The following DAB2IP variants were observed in gnomAD, a reference collection of about 807,000 sequenced individuals.
DAB2IP encodes the protein DAB2 interacting protein.
Under a neutral mutation model 107.2 loss-of-function variants are expected in DAB2IP, and 28 were observed. The observed-to-expected ratio is 0.26, with a 90% confidence interval of 0.19 to 0.36. DAB2IP has a LOEUF of 0.36. Among genes scored for constraint, DAB2IP ranks in the 10% least tolerant of loss-of-function variants. DAB2IP has a pLI of 1.00. For missense variants in DAB2IP, 1,400 were observed against 1,644.7 expected, an observed-to-expected ratio of 0.85 and a Z score of 2.57; for synonymous variants, 755 against 706.4, an observed-to-expected ratio of 1.07 and a Z score of -1.09.
In DAB2IP at chr9:121,692,897, G is replaced by A. The variant is rs138549937; in HGVS notation, c.229-6428G>A. 7.8e-3 allele frequency among the ~76,000 whole-genome samples: 1,182 copies of A among 152,328 alleles called. 17 individuals are homozygous for A. The highest frequency in any genetic ancestry group is 0.027 in the African/African-American group (1,119 of 41,570). The stretch of plus-strand genomic sequence containing the variant: ...GGAAGGGGAGGGCAGGAGGAATGAC[G>A]CATCTGAAGGATTTGGGCAAAGCCA... On this transcript the variant is annotated intron_variant, in intron 2 of 15. Coordinates refer to ENST00000408936, the Ensembl canonical transcript of DAB2IP.
Position 121,701,553 on chromosome 9 carries a change from G to T in DAB2IP, c.362+2095G>T, listed in dbSNP as rs186192952. Among the ~76,000 whole-genome samples, 2 of 152,196 alleles carry T rather than the reference G, an allele frequency of 1.3e-5. No individual in the cohort carries two copies. The highest frequency in any genetic ancestry group is 4.8e-5 in the African/African-American group (2 of 41,440). On this transcript the variant is annotated intron_variant, in intron 3 of 15. Transcript: ENST00000408936. This position sits in a 1 kb window ranked among gnomAD's most constrained non-coding sequence, Gnocchi z 4.7. ...AGGAAGGGAGCCTAGATTTCCCATG[G>T]ACAGGCAGAAAGACTGGGTTTGAAA...
At chr9:121,686,316 T>C (rs903555470) in intron 2 of DAB2IP, among the ~76,000 whole-genome samples, 1 of 152,146 alleles carries the variant, frequency 6.6e-6, no homozygotes, top group Non-Finnish European at 1.5e-5. Context: ...GTGAGGAGGA[T>C]GGAAGTGAAG....
Position 121,715,180 on chromosome 9 carries a change from G to A in DAB2IP, c.362+15722G>A, listed in dbSNP as rs2185819. On this transcript the variant is annotated intron_variant, in intron 3 of 15. Transcript: ENST00000408936. ...TAGGGTTAAGGACCTTGCTCCTGCAGGGCAGGGGGCTTCATGGTGGTTGCC... is the reference window on the plus strand; with the variant it reads ...TAGGGTTAAGGACCTTGCTCCTGCAAGGCAGGGGGCTTCATGGTGGTTGCC... Among the ~76,000 whole-genome samples the A allele has an allele frequency of 1.9e-3, 285 of 152,290 alleles. 5 individuals carry two copies. The highest frequency in any genetic ancestry group is 0.014 in the Admixed American group (216 of 15,310).
intron 1 of DAB2IP, among the ~76,000 whole-genome samples, chr9:121,664,946 A>C (rs1356385008): frequency 6.6e-6 from 1 of 152,212 alleles, no homozygotes; most frequent in East Asian, 1.9e-4. Flanking sequence ...ATACAGTCTG[A>C]GTCAACTGTT....
chr9:121,721,400 G>A (rs1327781232), intron 3 of DAB2IP, among the ~76,000 whole-genome samples: 2 of 152,230 alleles, frequency 1.3e-5, no homozygotes, highest in Non-Finnish European at 2.9e-5. Flanking sequence ...CAAACAATAA[G>A]CAAGTCCCTG....
exon 8 of DAB2IP, chr9:121,763,772 C>T: frequency 6.2e-7 from 1 of 1,614,134 alleles, no homozygotes; most frequent in African/African-American, 1.3e-5. Flanking sequence ...CAGATGAGAA[C>T]TGCGAAGTGG....
intron 1 of DAB2IP, among the ~76,000 whole-genome samples, chr9:121,672,295 C>T (rs779865199): frequency 1.1e-4 from 16 of 152,146 alleles, no homozygotes; most frequent in African/African-American, 7.2e-5. Flanking sequence ...CTGACGTTAG[C>T]GTTAAGAGGT....
chr9:121,716,480 A>G (rs1830610460), intron 3 of DAB2IP, among the ~76,000 whole-genome samples: 1 of 152,246 alleles, frequency 6.6e-6, no homozygotes, highest in Non-Finnish European at 1.5e-5. Flanking sequence ...CTAAGTGTTT[A>G]TGTGGGCTGG....
intron 1 of DAB2IP, among the ~76,000 whole-genome samples, chr9:121,657,011 T>C (rs973351468): frequency 1.3e-5 from 2 of 152,238 alleles, no homozygotes; most frequent in African/African-American, 4.8e-5. Context: ...CTCACAGTCT[T>C]GGTCAAAGCT....
At chr9:121,730,939 G>GTGGGGGCACAGAAGTTGT (rs1335033256) in intron 3 of DAB2IP, among the ~76,000 whole-genome samples, 1 of 152,220 alleles carries the variant, frequency 6.6e-6, no homozygotes, top group Non-Finnish European at 1.5e-5. Flanking sequence ...ACAGAAGTTG[G>GTGGGGGCACAGAAGTTGT]TGGGGGCACA....
At position 121,760,654 on chromosome 9, in the gene DAB2IP, A is replaced by C. The variant is rs1833820662; in HGVS notation, c.1170+215A>C. On this transcript the variant is annotated intron_variant, in intron 6 of 15. Coordinates refer to ENST00000408936, the Ensembl canonical transcript of DAB2IP. This position sits in a 1 kb window ranked among gnomAD's most constrained non-coding sequence, Gnocchi z 5.9. Reference sequence around the variant, plus strand: ...TGATCACTGAGGCCTGTGTGGAGCCAGTGGATGGGATTGCAGCTGGTAGTG... The same window carrying C: ...TGATCACTGAGGCCTGTGTGGAGCCCGTGGATGGGATTGCAGCTGGTAGTG... 6.6e-6 allele frequency among the ~76,000 whole-genome samples: 1 copy of C among 152,220 alleles called. No homozygotes were observed. Among genetic ancestry groups the C allele is most frequent in the South Asian group, 2.1e-4 (1 of 4,816 alleles).
In DAB2IP at chr9:121,590,957, T is replaced by C. The variant is rs150070243; in HGVS notation, c.40+23729T>C. Reference sequence around the variant, plus strand: ...CCATAAAGGAAAGTGACTTGAGCCATGGGTGTGTCATGTGGGAGGCCAGGG... The same window carrying C: ...CCATAAAGGAAAGTGACTTGAGCCACGGGTGTGTCATGTGGGAGGCCAGGG... On this transcript the variant is annotated intron_variant, in intron 1 of 16. Transcript: ENST00000259371. Among the ~76,000 whole-genome samples the C allele has an allele frequency of 1.5e-4, 23 of 152,182 alleles. No homozygotes were observed. In the East Asian group the frequency reaches 4.4e-3, roughly 29 times the overall value.
intron 1 of DAB2IP, among the ~76,000 whole-genome samples, chr9:121,661,829 A>T (rs534049795): frequency 6.6e-6 from 1 of 152,162 alleles, no homozygotes; most frequent in Non-Finnish European, 1.5e-5. Context: ...AGAAAATTTT[A>T]AAATTTTTTG....
At chr9:121,685,671 C>A (rs571683532) in intron 2 of DAB2IP, among the ~76,000 whole-genome samples, 2 of 152,228 alleles carry the variant, frequency 1.3e-5, no homozygotes, top group East Asian at 3.9e-4. Flanking sequence ...TTCTTTCTTT[C>A]GATAAATTTG....
chr9:121,610,371 C>G (rs988849944), intron 1 of DAB2IP, among the ~76,000 whole-genome samples: 1 of 152,206 alleles, frequency 6.6e-6, no homozygotes, highest in South Asian at 2.1e-4. Context: ...AGCCACTCGG[C>G]TCATCAGCCC....
Position 121,618,527 on chromosome 9 carries a change from A to AT in DAB2IP, c.40+51304dup, listed in dbSNP as rs1196075006. Among the ~76,000 whole-genome samples the AT allele has an allele frequency of 3.9e-5, 6 of 151,932 alleles. No individual in the cohort carries two copies. In the East Asian group the frequency reaches 1.2e-3, roughly 29 times the overall value. ...AGGCGCCCACCACAATGCCTAGCTA[A>AT]TTTTTGTATTTTTGGTAGAGAGAGG... On this transcript the variant is annotated intron_variant, in intron 1 of 16. Coordinates refer to the DAB2IP transcript ENST00000259371.
chr9:121,752,217 C>T (rs897325098), intron 3 of DAB2IP, among the ~76,000 whole-genome samples: 4 of 152,228 alleles, frequency 2.6e-5, no homozygotes, highest in African/African-American at 9.6e-5. Flanking sequence ...TGGCCTTGAA[C>T]AGGCAGCTGC....
At chr9:121,711,567 C>T (rs1413029097) in intron 3 of DAB2IP, among the ~76,000 whole-genome samples, 5 of 152,174 alleles carry the variant, frequency 3.3e-5, no homozygotes, top group Admixed American at 1.3e-4. Flanking sequence ...ATTTGGTAAA[C>T]ATTCTTTTGA....
At chr9:121,762,440 G>A (rs934811957) in intron 6 of DAB2IP, among the ~76,000 whole-genome samples, 3 of 152,130 alleles carry the variant, frequency 2.0e-5, no homozygotes, top group Non-Finnish European at 4.4e-5. Flanking sequence ...GTCGCCTGCT[G>A]GTCAGGAAGG....
Sources: gnomAD v4.1 joint callset for allele counts (sites outside exome capture counted in the v4.1 genomes callset) on GRCh38, gnomAD v4.1.1 for gene constraint, Gnocchi (gnomAD v3.1) non-coding constraint, MANE v1.5 for transcripts, NCBI Gene and HGNC (gene_info 2026-07-23, HGNC 2026-07-21) for gene names.